The following LPP variants were observed in gnomAD, a reference collection of about 807,000 sequenced individuals.
The protein encoded by LPP is lipoma-preferred partner.
In LPP, 38 loss-of-function variants were observed where a neutral mutation model predicts 60.4. That is an observed-to-expected ratio of 0.63 (90% CI 0.49 to 0.83). The LOEUF is 0.83. LPP is among the 40% of genes least tolerant of loss of function. The pLI is 0.00. For synonymous variants in LPP, 328 were observed against 290.8 expected (o/e 1.13, Z -1.30); for missense variants, 902 against 783.6 (o/e 1.15, Z -1.80).
At chr3:188,212,389 T>G (rs1711589392) in intron 1 of LPP, among the ~76,000 whole-genome samples, 1 of 152,168 alleles carries the variant, frequency 6.6e-6, no homozygotes, top group Non-Finnish European at 1.5e-5. Context: ...TAGGACAGTG[T>G]ATGGAAGGGT....
intron 7 of LPP, among the ~76,000 whole-genome samples, chr3:188,647,613 G>C (rs1580676830): frequency 2.0e-5 from 3 of 152,204 alleles, no homozygotes; most frequent in Non-Finnish European, 2.9e-5. Context: ...GTGAGACAGA[G>C]AGTGCATTCA....
rs1040030 is a variant in LPP, at chr3:188,740,007, A to G, written c.1241-20106A>G. 2.1e-4 allele frequency among the ~76,000 whole-genome samples: 32 copies of G among 152,190 alleles called. 1 individual carries two copies. The South Asian group carries it at 6.6e-3, about 32-fold the overall frequency. On this transcript the variant is annotated intron_variant, in intron 8 of 11. Transcript: ENST00000617246. ...GTTTGTTGATACTAAGGTGTTATTT[A>G]TAATGTGCCTTTTGTTTCTCAAGAA...
chr3:188,588,077 C>G (rs1011362995), intron 6 of LPP, among the ~76,000 whole-genome samples: 11 of 152,232 alleles, frequency 7.2e-5, no homozygotes, highest in African/African-American at 2.2e-4. Flanking sequence ...ATTTCACATG[C>G]AGACAAACTC....
At chr3:188,856,447 T>G (rs1490092633) in intron 9 of LPP, among the ~76,000 whole-genome samples, 1 of 152,242 alleles carries the variant, frequency 6.6e-6, no homozygotes. Context: ...AGTTGATTAG[T>G]CAGAGGCTGT....
chr3:188,760,010 T>G (rs888468383), intron 8 of LPP, 103 bp from the exon 9 acceptor site: 4 of 933,426 alleles, frequency 4.3e-6, no homozygotes. Context: ...GGAGTGGTGG[T>G]TCTATTGCTG....
intron 3 of LPP, among the ~76,000 whole-genome samples, chr3:188,377,052 G>T (rs2151150249): frequency 6.6e-6 from 1 of 152,316 alleles, no homozygotes; most frequent in African/African-American, 2.4e-5. Context: ...CTTCTGGCTT[G>T]TAGAGTTTCT....
intron 2 of LPP, among the ~76,000 whole-genome samples, chr3:188,338,509 A>G (rs1041938117): frequency 6.6e-6 from 1 of 152,230 alleles, no homozygotes; most frequent in Non-Finnish European, 1.5e-5. Flanking sequence ...GCCTTTTCGC[A>G]GTGGTTTTGG....
Position 188,249,253 on chromosome 3 carries a change from C to G in LPP, c.-67+23726C>G, listed in dbSNP as rs577759792. Reference sequence around the variant, plus strand: ...CATCTACAAAAAATTTAAACATTAGCTGGCATGGTGACTCATGCCTATAGT... The same window carrying G: ...CATCTACAAAAAATTTAAACATTAGGTGGCATGGTGACTCATGCCTATAGT... On this transcript the variant is annotated intron_variant, in intron 2 of 11. Transcript: ENST00000617246. Among the ~76,000 whole-genome samples, 51 of 152,228 alleles carry G rather than the reference C, an allele frequency of 3.4e-4. 1 individual carries two copies. The highest frequency in any genetic ancestry group is 1.1e-3 in the African/African-American group (47 of 41,542).
chr3:188,865,886 A>G (rs1248906517), intron 9 of LPP, among the ~76,000 whole-genome samples: 10 of 152,206 alleles, frequency 6.6e-5, no homozygotes, highest in Non-Finnish European at 8.8e-5. Context: ...GTCAGAAAAC[A>G]CATGTCCTCA....
chr3:188,666,407 G>A (rs889341577), intron 7 of LPP, among the ~76,000 whole-genome samples: 3 of 152,160 alleles, frequency 2.0e-5, no homozygotes, highest in Non-Finnish European at 4.4e-5. Flanking sequence ...GTTCACAGGA[G>A]TAGACCCATG....
chr3:188,162,488 C>G (rs1164148737), intron 1 of LPP, among the ~76,000 whole-genome samples: 1 of 152,168 alleles, frequency 6.6e-6, no homozygotes, highest in Admixed American at 6.5e-5. Flanking sequence ...ATATTCAAGG[C>G]TTTGGAAGGC....
At chr3:188,779,597 A>G (rs1012272827) in intron 9 of LPP, among the ~76,000 whole-genome samples, 9 of 151,446 alleles carry the variant, frequency 5.9e-5, no homozygotes, top group Admixed American at 3.9e-4. Context: ...TTTTTTTGCA[A>G]TGGAGTTTGC....
intron 9 of LPP, among the ~76,000 whole-genome samples, chr3:188,770,363 T>G (rs1964740): frequency 1.8e-5 from 2 of 109,626 alleles, no homozygotes; most frequent in Non-Finnish European, 4.3e-5. Flanking sequence ...TTTTTTTTTT[T>G]TTGTATTTTT....
intron 2 of LPP, among the ~76,000 whole-genome samples, chr3:188,313,563 G>C (rs894186947): frequency 6.6e-6 from 1 of 151,876 alleles, no homozygotes; most frequent in Non-Finnish European, 1.5e-5. Context: ...GCTTGAACTG[G>C]GAGGTGGAGG....
intron 7 of LPP, among the ~76,000 whole-genome samples, chr3:188,656,719 A>G (rs1853297749): frequency 6.6e-6 from 1 of 152,122 alleles, no homozygotes; most frequent in African/African-American, 2.4e-5. Flanking sequence ...AGCACATCAC[A>G]CTCATTTCCT....
Position 188,640,635 on chromosome 3 carries a change from T to C in LPP, c.1113+30791T>C, listed in dbSNP as rs561359631. 1.6e-4 allele frequency among the ~76,000 whole-genome samples: 25 copies of C among 151,946 alleles called. No individual in the cohort carries two copies. The South Asian group carries it at 4.1e-3, about 25-fold the overall frequency. On this transcript the variant is annotated intron_variant, in intron 7 of 11. Transcript: ENST00000617246. Reference sequence around the variant, plus strand: ...AAATCCAACCTGTGCAATATGGGTATCTTTTTTACAATAGAAGTGATTTAT... The same window carrying C: ...AAATCCAACCTGTGCAATATGGGTACCTTTTTTACAATAGAAGTGATTTAT...
At position 188,576,467 on chromosome 3, in the gene LPP, T is replaced by G. The variant is rs563488222; in HGVS notation, c.430-32694T>G. Among the ~76,000 whole-genome samples, 7 of 152,286 alleles carry G rather than the reference T, an allele frequency of 4.6e-5. No homozygotes were observed. The South Asian group carries it at 1.4e-3, about 32-fold the overall frequency. On this transcript the variant is annotated intron_variant, in intron 6 of 11. Coordinates refer to ENST00000617246, the MANE Select transcript of LPP (RefSeq NM_001375462.1). ...TTTTCATCCGCTTTATTTTCTGTTT[T>G]GTAGAGTAGGTAAAGGTAAGGAGAC... is the stretch of plus-strand genomic sequence containing the variant.
rs1384574762 is a variant in LPP, at chr3:188,877,279, TATA to T, written c.*2804_*2806del. On this transcript the variant is annotated 3_prime_UTR_variant, in exon 12 of 12. Coordinates refer to ENST00000617246, the MANE Select transcript of LPP (RefSeq NM_001375462.1). ...TGATTATAATCATACTGTCTGCTGATATAATATCATAATTGTTGTGGTTTAAAT... is the reference window on the plus strand; with the variant it reads ...TGATTATAATCATACTGTCTGCTGATATATCATAATTGTTGTGGTTTAAAT... The T allele has an allele frequency of 1.7e-5, 3 of 177,478 alleles. No homozygotes were observed. Among genetic ancestry groups the T allele is most frequent in the Non-Finnish European group, 3.6e-5 (3 of 82,564 alleles). The allele number at this position is 177,478 out of a possible 1,614,324, so 11.0% of individuals were successfully genotyped here.
chr3:188,696,150 A>G (rs1009223693), intron 7 of LPP, among the ~76,000 whole-genome samples: 2 of 152,198 alleles, frequency 1.3e-5, no homozygotes, highest in Non-Finnish European at 2.9e-5. Context: ...TTGATAGAGT[A>G]GAATGCCACC....
Sources: gnomAD v4.1 joint callset for allele counts (sites outside exome capture counted in the v4.1 genomes callset) on GRCh38, gnomAD v4.1.1 for gene constraint, MANE v1.5 for transcripts, NCBI Gene and HGNC (gene_info 2026-07-23, HGNC 2026-07-21) for gene names.